TSPAN10: variants seen among roughly 807,000 people sequenced by gnomAD.
TSPAN10 encodes the protein tetraspanin 10, also known as tetraspanin-10.
A neutral mutation model predicts 15.0 loss-of-function variants in TSPAN10; 11 were observed. That is an observed-to-expected ratio of 0.73 (90% confidence interval 0.46 to 1.21). TSPAN10 has a LOEUF of 1.21. Ranked by LOEUF, TSPAN10 falls within the 50% of genes most tolerant of loss-of-function variation. TSPAN10 has a pLI of 0.00. For missense variants in TSPAN10, 486 were observed against 470.6 expected, an observed-to-expected ratio of 1.03 and a Z score of -0.30; for synonymous variants, 241 against 226.2, an observed-to-expected ratio of 1.07 and a Z score of -0.59.
rs753001902 is a variant in TSPAN10 at position 81,645,638 on chromosome 17, T to C, written c.674+9T>C. The C allele has an allele frequency of 6.2e-7, 1 of 1,611,114 alleles. No homozygotes were observed. The highest frequency in any genetic ancestry group is 1.1e-5 in the South Asian group (1 of 90,750). On this transcript the variant is annotated intron_variant, in intron 2 of 2. Transcript: ENST00000611590. Reference sequence around the variant, plus strand: ...GACTGGCAGCAGAACCTGTGAGTCTTGGAGTGGGCGAGGGACAGGGCCACC... The same window carrying C: ...GACTGGCAGCAGAACCTGTGAGTCTCGGAGTGGGCGAGGGACAGGGCCACC...
upstream of TSPAN10, among the ~76,000 whole-genome samples, chr17:81,640,053 G>A (rs1351542002): frequency 6.6e-6 from 1 of 151,932 alleles, no homozygotes; most frequent in African/African-American, 2.4e-5. Flanking sequence ...CACAATCGTG[G>A]CTCACTGTAG....
intron 1 of TSPAN10, among the ~76,000 whole-genome samples, chr17:81,644,150 G>A (rs545991997): frequency 6.6e-6 from 1 of 151,842 alleles, no homozygotes; most frequent in Non-Finnish European, 1.5e-5. Context: ...CGTCCAGCCC[G>A]GCCATAGCTT....
At chr17:81,645,791 G>A (rs749803911) in intron 2 of TSPAN10, 162 bp downstream of exon 3, 56 of 938,118 alleles carry the variant, frequency 6.0e-5, no homozygotes, top group Middle Eastern at 3.2e-4. Flanking sequence ...ACACTGGCAC[G>A]TCTCGTGCTC....
chr17:81,644,897 C>T (rs573415837), intron 1 of TSPAN10, 95 bp from the exon 3 acceptor site: 100 of 1,531,930 alleles, frequency 6.5e-5, no homozygotes, highest in Non-Finnish European at 8.2e-5. Context: ...TCCCATCCCT[C>T]GAAGGCTCTG....
chr17:81,641,539 C>T (rs1299249107), upstream of TSPAN10, among the ~76,000 whole-genome samples: 4 of 152,054 alleles, frequency 2.6e-5, no homozygotes, highest in Non-Finnish European at 4.4e-5. Context: ...GCGTCTCACG[C>T]GCGCCTGAAA....
chr17:81,648,700 A>C (rs1167263560), downstream of TSPAN10: 1 of 167,294 alleles, frequency 6.0e-6, no homozygotes, highest in African/African-American at 2.4e-5. Context: ...GGGAGATAGT[A>C]AATGTTTTAT....
At chr17:81,644,569 G>A (rs995313502) in intron 1 of TSPAN10, among the ~76,000 whole-genome samples, 1 of 152,198 alleles carries the variant, frequency 6.6e-6, no homozygotes, top group Non-Finnish European at 1.5e-5. Flanking sequence ...CCACGCAGAT[G>A]CTGTTTCAAA....
exon 2 of TSPAN10, chr17:81,645,199 C>T: frequency 6.5e-7 from 1 of 1,545,772 alleles, no homozygotes; most frequent in Non-Finnish European, 8.7e-7. Flanking sequence ...TCTGATCTTC[C>T]TCTCCAACTT....
chr17:81,647,503 A>T (rs2036270601), intron 2 of TSPAN10: 1 of 488,350 alleles, frequency 2.0e-6, no homozygotes, highest in Non-Finnish European at 4.0e-6. Context: ...CCTGTGGACC[A>T]TTCCAGAAGC....
upstream of TSPAN10, among the ~76,000 whole-genome samples, chr17:81,641,989 G>C (rs2036182463): frequency 6.6e-6 from 1 of 152,180 alleles, no homozygotes; most frequent in Non-Finnish European, 1.5e-5. Flanking sequence ...TTGGGATTGG[G>C]GTTGTGAACC....
At chr17:81,640,022 G>A (rs1230552899), upstream of TSPAN10, among the ~76,000 whole-genome samples, 1 of 150,796 alleles carries the variant, frequency 6.6e-6, no homozygotes, top group African/African-American at 2.4e-5. Context: ...CACTCCCATC[G>A]CCGAGGCTGG....
intron 2 of TSPAN10, 189 bp downstream of exon 3, chr17:81,645,818 T>A: frequency 5.4e-6 from 4 of 747,490 alleles, no homozygotes; most frequent in Non-Finnish European, 9.0e-6. Flanking sequence ...TTCACGTGTG[T>A]GGACACACAC....
rs114861649 is a variant in TSPAN10 at position 81,645,725 on chromosome 17, T to C, written c.674+96T>C. Reference sequence around the variant, plus strand: ...CACACAGTCACTCACACGTACATACTCATTCGTGCATGCCCACATGCATGC... The same window carrying C: ...CACACAGTCACTCACACGTACATACCCATTCGTGCATGCCCACATGCATGC... On this transcript the variant is annotated intron_variant, in intron 2 of 2. Coordinates refer to ENST00000611590, the Ensembl canonical transcript of TSPAN10. 2,692 of 1,472,820 alleles carry C rather than the reference T, an allele frequency of 1.8e-3. 23 individuals are homozygous for C. The African/African-American group carries it at 0.021, about 11-fold the overall frequency. The allele number at this position is 1,472,820 out of a possible 1,614,324, so 91.2% of individuals were successfully genotyped here.
exon 2 of TSPAN10, chr17:81,645,212 C>T (rs755373277): frequency 6.5e-7 from 1 of 1,543,572 alleles, no homozygotes; most frequent in South Asian, 1.3e-5. Context: ...TCCAACTTCC[C>T]CTTCTCCCTG....
chr17:81,641,274 G>C (rs2036175116), upstream of TSPAN10, among the ~76,000 whole-genome samples: 1 of 152,168 alleles, frequency 6.6e-6, no homozygotes, highest in Non-Finnish European at 1.5e-5. Context: ...ATGAGGTTGG[G>C]TTTGTCACCT....
exon 1 of TSPAN10, chr17:81,637,264 C>T: frequency 3.7e-6 from 2 of 534,758 alleles, no homozygotes; most frequent in Non-Finnish European, 6.8e-6. Context: ...TTCTGCTCGT[C>T]CTCGGAAACC....
chr17:81,637,280 G>A, exon 1 of TSPAN10: 1 of 554,418 alleles, frequency 1.8e-6, no homozygotes, highest in Non-Finnish European at 3.3e-6. Context: ...AAACCCAAGC[G>A]GCACAGGAAA....
Position 81,645,289 on chromosome 17 carries a change from C to CT in TSPAN10, c.335dup (p.Pro115AlafsTer31). The CT allele has an allele frequency of 6.5e-7, 1 of 1,536,342 alleles. No homozygotes were observed. Among genetic ancestry groups the CT allele is most frequent in the Non-Finnish European group, 8.7e-7 (1 of 1,147,842 alleles). On this transcript the variant is annotated frameshift_variant, in exon 2 of 3. Coordinates refer to ENST00000611590, the Ensembl canonical transcript of TSPAN10. LOFTEE classifies it high-confidence loss of function. The stretch of plus-strand genomic sequence containing the variant: ...TGTCAAGGGGTCTCTGGGAAGTGAT[C>CT]TGGGGGGGCCCCTGCCCGCAGACCC...
chr17:81,647,907 T>C, exon 3 of TSPAN10: 10 of 1,535,724 alleles, frequency 6.5e-6, no homozygotes, highest in Non-Finnish European at 8.8e-6. Flanking sequence ...GCAGGTACTT[T>C]AACTGCAGCT....
Sources: allele counts gnomAD v4.1 joint callset (sites outside exome capture counted in the v4.1 genomes callset), GRCh38; gene constraint gnomAD v4.1.1; transcripts MANE v1.5; gene names NCBI Gene and HGNC (gene_info 2026-07-23, HGNC 2026-07-21).